PDE3A: variants seen among roughly 807,000 people sequenced by gnomAD.
The protein encoded by PDE3A is cGMP-inhibited 3',5'-cyclic phosphodiesterase 3A.
A neutral mutation model predicts 98.3 loss-of-function variants in PDE3A; 43 were observed. That is an observed-to-expected ratio of 0.44 (90% CI 0.34 to 0.56). The LOEUF is 0.56. PDE3A is among the 20% of genes least tolerant of loss of function. PDE3A has a pLI of 0.01. For synonymous variants in PDE3A, 663 were observed against 567.9 expected, an observed-to-expected ratio of 1.17 and a Z score of -2.38; for missense variants, 1,427 against 1,440.7, an observed-to-expected ratio of 0.99 and a Z score of 0.15.
chr12:20,545,892 A>G (rs1942043571), intron 1 of PDE3A, among the ~76,000 whole-genome samples: 1 of 152,028 alleles, frequency 6.6e-6, no homozygotes, highest in South Asian at 2.1e-4. Flanking sequence ...TGTATAATGT[A>G]ATGATGTCCT....
chr12:20,426,765 A>G (rs1389107226), intron 1 of PDE3A, among the ~76,000 whole-genome samples: 3 of 152,260 alleles, frequency 2.0e-5, no homozygotes, highest in African/African-American at 7.2e-5. Context: ...AATGGGTACC[A>G]GTGCTGAGTC....
chr12:20,421,780 C>G (rs553001131), intron 1 of PDE3A, among the ~76,000 whole-genome samples: 1 of 152,178 alleles, frequency 6.6e-6, no homozygotes, highest in East Asian at 1.9e-4. Flanking sequence ...CTTCTTGCTC[C>G]TTTGAATAGC....
At position 20,369,188 on chromosome 12, in the gene PDE3A, TGC is replaced by T. The variant is rs1943404784; in HGVS notation, c.-95_-94del. ...AGGGTGGAATTGGGAAGAGCGTGCG[TGC>T]GTGTGTGTGTGTGTGTGTGTGCGCG... On this transcript the variant is annotated 5_prime_UTR_variant, in exon 1 of 16. Coordinates refer to ENST00000359062, the MANE Select transcript of PDE3A (RefSeq NM_000921.5). The T allele has an allele frequency of 4.1e-6, 3 of 726,844 alleles. 1 individual carries two copies. The South Asian group carries it at 6.2e-5, about 15-fold the overall frequency. The allele number at this position is 726,844 out of a possible 1,614,324, so 45.0% of individuals were successfully genotyped here.
At chr12:20,593,020 G>T (rs2121382620) in intron 2 of PDE3A, among the ~76,000 whole-genome samples, 1 of 152,228 alleles carries the variant, frequency 6.6e-6, no homozygotes, top group East Asian at 1.9e-4. Context: ...GCATAATCTG[G>T]CAAGGAATTT....
At chr12:20,384,563 C>T (rs2120561331) in intron 1 of PDE3A, among the ~76,000 whole-genome samples, 1 of 151,952 alleles carries the variant, frequency 6.6e-6, no homozygotes, top group East Asian at 1.9e-4. Context: ...AATACATGTG[C>T]AGGATGTGCA....
chr12:20,643,091 C>G (rs1245390833), intron 10 of PDE3A, among the ~76,000 whole-genome samples: 3 of 151,870 alleles, frequency 2.0e-5, no homozygotes, highest in Admixed American at 6.6e-5. Context: ...GTAGGGTGTA[C>G]CATGTGCTAG....
At chr12:20,649,249 T>C (rs908550600) in intron 13 of PDE3A, among the ~76,000 whole-genome samples, 1 of 152,044 alleles carries the variant, frequency 6.6e-6, no homozygotes, top group Non-Finnish European at 1.5e-5. Context: ...CTTCATTTTA[T>C]AGACACATTG....
rs374475088 is a variant in PDE3A, at chr12:20,559,563, C to T, written c.1011+2853C>T. On this transcript the variant is annotated intron_variant, in intron 2 of 15. Coordinates refer to ENST00000359062, the MANE Select transcript of PDE3A (RefSeq NM_000921.5). ...GGTGGGTTCTGTAATCCCAGATACT[C>T]GGGAGGTTGAGACAGGAGAATCTCT... 2.5e-4 allele frequency among the ~76,000 whole-genome samples: 38 copies of T among 150,968 alleles called. No individual in the cohort carries two copies. In the East Asian group the frequency reaches 3.7e-3, roughly 15 times the overall value.
chr12:20,539,382 C>T (rs1159325829), intron 1 of PDE3A, among the ~76,000 whole-genome samples: 5 of 152,082 alleles, frequency 3.3e-5, no homozygotes, highest in Non-Finnish European at 7.4e-5. Context: ...CCCATATGGG[C>T]ATCCTGTGGC....
At chr12:20,378,672 T>C (rs1317615837) in intron 1 of PDE3A, among the ~76,000 whole-genome samples, 1 of 151,708 alleles carries the variant, frequency 6.6e-6, no homozygotes, top group African/African-American at 2.4e-5. Context: ...TAATTTAGAG[T>C]TCTTGAAGAA....
At chr12:20,540,694 G>T (rs913941141) in intron 1 of PDE3A, among the ~76,000 whole-genome samples, 9 of 151,908 alleles carry the variant, frequency 5.9e-5, no homozygotes, top group African/African-American at 2.2e-4. Context: ...TTAGAATTGT[G>T]ATTCTTAATT....
intron 1 of PDE3A, among the ~76,000 whole-genome samples, chr12:20,514,807 T>A (rs1177831977): frequency 1.3e-5 from 2 of 152,246 alleles, no homozygotes; most frequent in Non-Finnish European, 2.9e-5. Context: ...ACTAGCTGTG[T>A]GACTTTGGCA....
intron 6 of PDE3A, among the ~76,000 whole-genome samples, chr12:20,632,196 C>T (rs1274723641): frequency 6.6e-6 from 1 of 152,088 alleles, no homozygotes; most frequent in Non-Finnish European, 1.5e-5. Flanking sequence ...CTATCATTTT[C>T]TTTTTATTCT....
chr12:20,547,798 A>T (rs868554336), intron 1 of PDE3A, among the ~76,000 whole-genome samples: 3 of 152,106 alleles, frequency 2.0e-5, no homozygotes, highest in Admixed American at 6.6e-5. Flanking sequence ...TAAACAAACA[A>T]CAGGAGAAAA....
chr12:20,433,174 G>A (rs976333454), intron 1 of PDE3A, among the ~76,000 whole-genome samples: 4 of 152,030 alleles, frequency 2.6e-5, no homozygotes, highest in African/African-American at 4.8e-5. Flanking sequence ...TATTCCCTTC[G>A]AAGGGCAGTG....
intron 1 of PDE3A, among the ~76,000 whole-genome samples, chr12:20,419,222 A>G (rs963108914): frequency 6.6e-6 from 1 of 152,042 alleles, no homozygotes; most frequent in African/African-American, 2.4e-5. Flanking sequence ...GAGAGGGGAG[A>G]GTTACACACT....
At chr12:20,498,159 G>A (rs1945956524) in intron 1 of PDE3A, among the ~76,000 whole-genome samples, 1 of 151,918 alleles carries the variant, frequency 6.6e-6, no homozygotes, top group African/African-American at 2.4e-5. Context: ...TATGTAAACT[G>A]GTAACTATAC....
At chr12:20,410,052 A>G (rs553869582) in intron 1 of PDE3A, among the ~76,000 whole-genome samples, 2 of 152,298 alleles carry the variant, frequency 1.3e-5, no homozygotes, top group South Asian at 4.1e-4. Context: ...TCTATCCTAC[A>G]TGTCTGTTAG....
intron 5 of PDE3A, among the ~76,000 whole-genome samples, chr12:20,627,605 C>T (rs7315045): frequency 0.98 from 148,727 of 151,500 alleles, 73,062 homozygotes; most frequent in East Asian, 1. Flanking sequence ...TCTCAGTCCA[C>T]CTTATCTAAA....
Sources: gnomAD v4.1 joint callset for allele counts (sites outside exome capture counted in the v4.1 genomes callset) on GRCh38, gnomAD v4.1.1 for gene constraint, MANE v1.5 for transcripts, NCBI Gene and HGNC (gene_info 2026-07-23, HGNC 2026-07-21) for gene names.